The following LAMP5 variants were observed in gnomAD, a reference collection of about 807,000 sequenced individuals.
The protein encoded by LAMP5 is lysosome-associated membrane glycoprotein 5.
A neutral mutation model predicts 30.2 loss-of-function variants in LAMP5; 36 were observed. The observed-to-expected ratio is 1.19, with a 90% confidence interval of 0.91 to 1.57. The LOEUF (loss-of-function observed/expected upper bound fraction) is 1.57. LAMP5 is among the 40% of genes most tolerant of loss of function. The pLI is 0.00. For synonymous variants in LAMP5, 149 were observed against 134.6 expected (o/e 1.11, Z -0.74); for missense variants, 377 against 354.9 (o/e 1.06, Z -0.50).
At chr20:9,525,779 C>G (rs546986240) in intron 5 of LAMP5, among the ~76,000 whole-genome samples, 15 of 152,294 alleles carry the variant, frequency 9.8e-5, no homozygotes, top group Non-Finnish European at 1.8e-4. Flanking sequence ...AACTCCCCAC[C>G]CTCCCTGTCC....
At chr20:9,525,918 G>A (rs185848876) in intron 5 of LAMP5, among the ~76,000 whole-genome samples, 102 of 152,344 alleles carry the variant, frequency 6.7e-4, no homozygotes, top group African/African-American at 2.2e-3. Flanking sequence ...TAGGAAGGTA[G>A]ATGTTGTATT....
chr20:9,518,297 C>T, intron 5 of LAMP5, 69 bp downstream of exon 5: 1 of 1,366,396 alleles, frequency 7.3e-7, no homozygotes, highest in Non-Finnish European at 1.0e-6. Flanking sequence ...AGGGACCTAC[C>T]AGGGCCCCAG....
chr20:9,515,370 G>T, intron 1 of LAMP5, 83 bp from the exon 2 acceptor site: 1 of 1,343,768 alleles, frequency 7.4e-7, no homozygotes, highest in East Asian at 2.3e-5. Flanking sequence ...TCCAAAGCCT[G>T]CAGAGCACTG....
At chr20:9,519,859 T>G (rs1281452858) in intron 5 of LAMP5, among the ~76,000 whole-genome samples, 2 of 152,246 alleles carry the variant, frequency 1.3e-5, no homozygotes, top group Non-Finnish European at 2.9e-5. Context: ...AATTGCTGCT[T>G]CTTCTAGCTC....
chr20:9,514,832 C>T lies in LAMP5; in HGVS notation c.-21C>T, dbSNP rs2045022578. On this transcript the variant is annotated 5_prime_UTR_variant, in exon 1 of 6. Coordinates refer to ENST00000246070, the MANE Select transcript of LAMP5 (RefSeq NM_012261.4). ...CGGCCTCTGCAGCAGCACAGCCGGC[C>T]TCATTCGGGGCACTGCGAGTATGGA... is the stretch of plus-strand genomic sequence containing the variant. 6.2e-7 allele frequency: 1 copy of T among 1,613,622 alleles called. No homozygotes were observed. Among genetic ancestry groups the T allele is most frequent in the Middle Eastern group, 1.6e-4 (1 of 6,062 alleles).
Position 9,515,776 on chromosome 20 carries a change from T to C in LAMP5, c.237+151T>C, listed in dbSNP as rs915724577. 9.1e-6 allele frequency: 9 copies of C among 985,740 alleles called. No individual in the cohort carries two copies. The South Asian group carries it at 1.3e-4, about 14-fold the overall frequency. 61.1% of individuals were successfully genotyped at this position (985,740 alleles called of 1,614,324 possible). On this transcript the variant is annotated intron_variant, in intron 2 of 5. Transcript: ENST00000246070. ...AATGCTGCATGGGGATTCCAGCTTG[T>C]AATGCCTTCTGTTCCCCTGCCTGCT...
intron 1 of LAMP5, 43 bp from the exon 2 acceptor site, chr20:9,515,410 G>A: frequency 1.3e-6 from 2 of 1,578,550 alleles, no homozygotes; most frequent in Non-Finnish European, 1.7e-6. Context: ...GAGACGCGTG[G>A]GCTGAGCCCT....
intron 5 of LAMP5, among the ~76,000 whole-genome samples, chr20:9,522,863 C>T (rs2045087939): frequency 6.6e-6 from 1 of 151,808 alleles, no homozygotes; most frequent in Admixed American, 6.6e-5. Flanking sequence ...CACACTGAAA[C>T]TTTCAGTCTA....
chr20:9,516,231 G>A (rs1274081785), intron 3 of LAMP5, 25 bp from the exon 4 acceptor site: 3 of 1,613,686 alleles, frequency 1.9e-6, no homozygotes, highest in Admixed American at 3.3e-5. Context: ...GGGGACGATT[G>A]AAGCGCACCT....
Position 9,515,984 on chromosome 20 carries a change from G to A in LAMP5, c.238-16G>A, listed in dbSNP as rs778119442. 1.0e-5 allele frequency: 15 copies of A among 1,490,222 alleles called. No homozygotes were observed. The highest frequency in any genetic ancestry group is 2.9e-5 in the South Asian group (2 of 69,248). 92.3% of individuals were successfully genotyped at this position (1,490,222 alleles called of 1,614,324 possible). ...GCCGGGCGAGCTGAGGGGGCGCGGG[G>A]CGTCTGTGTTCCCAGCTGATCACAG... On this transcript the variant is annotated splice_polypyrimidine_tract_variant and intron_variant, in intron 2 of 5. Transcript: ENST00000246070.
chr20:9,517,639 T>TGTGTGTGTGTG (rs1474402891), intron 4 of LAMP5, among the ~76,000 whole-genome samples: 1 of 89,668 alleles, frequency 1.1e-5, no homozygotes, highest in Non-Finnish European at 2.3e-5. Flanking sequence ...GTGTGTGTAT[T>TGTGTGTGTGTG]TGTAGAGACA....
At chr20:9,517,922 G>A (rs2045052474) in intron 4 of LAMP5, 118 bp from the exon 5 acceptor site, 2 of 813,642 alleles carry the variant, frequency 2.5e-6, no homozygotes, top group South Asian at 3.8e-5. Context: ...CCCTGGCAAG[G>A]GAACAGAGAG....
rs1268666099 is a variant in LAMP5, at chr20:9,514,793, G to T, written c.-60G>T. 1 of 1,544,466 alleles carries T rather than the reference G, an allele frequency of 6.5e-7. No individual in the cohort carries two copies. The highest frequency in any genetic ancestry group is 1.4e-5 in the African/African-American group (1 of 73,430). ...GCCCACTCCAGCGGCGACTTTGAGG[G>T]ATTCCCTCTCTGGCGGCCTCTGCAG... is the stretch of plus-strand genomic sequence containing the variant. On this transcript the variant is annotated 5_prime_UTR_variant, in exon 1 of 6. Transcript: ENST00000246070.
chr20:9,528,216 T>C (rs914140355), intron 5 of LAMP5, among the ~76,000 whole-genome samples: 3 of 152,152 alleles, frequency 2.0e-5, no homozygotes, highest in African/African-American at 7.2e-5. Context: ...AGACAAATAT[T>C]GCATGTATTC....
intron 4 of LAMP5, among the ~76,000 whole-genome samples, chr20:9,517,480 C>A (rs2045049271): frequency 6.6e-6 from 1 of 151,928 alleles, no homozygotes; most frequent in Admixed American, 6.6e-5. Flanking sequence ...CTCTGTCCAC[C>A]AGGGTGGAGG....
Position 9,514,841 on chromosome 20 carries a change from G to A in LAMP5, c.-12G>A, listed in dbSNP as rs2045022746. Reference sequence around the variant, plus strand: ...CAGCAGCACAGCCGGCCTCATTCGGGGCACTGCGAGTATGGATCTCCAAGG... The same window carrying A: ...CAGCAGCACAGCCGGCCTCATTCGGAGCACTGCGAGTATGGATCTCCAAGG... On this transcript the variant is annotated 5_prime_UTR_variant, in exon 1 of 6. Coordinates refer to ENST00000246070, the MANE Select transcript of LAMP5 (RefSeq NM_012261.4). The A allele has an allele frequency of 6.2e-7, 1 of 1,613,892 alleles. No individual in the cohort carries two copies. Among genetic ancestry groups the A allele is most frequent in the Admixed American group, 1.7e-5 (1 of 60,018 alleles).
intron 5 of LAMP5, among the ~76,000 whole-genome samples, chr20:9,526,858 GTGTATATATATATATATATATA>G (rs1373352373): frequency 2.2e-5 from 2 of 90,646 alleles, no homozygotes; most frequent in African/African-American, 7.9e-5. Context: ...ATGTGTGTGT[GTGTATATATATATATATATATA>G]TATATATATA....
intron 5 of LAMP5, among the ~76,000 whole-genome samples, chr20:9,523,144 A>C (rs1272440597): frequency 6.6e-6 from 1 of 152,098 alleles, no homozygotes; most frequent in African/African-American, 2.4e-5. Context: ...AAAGGTCTCC[A>C]AAGCCCACTC....
At position 9,518,224 on chromosome 20, in the gene LAMP5, T is replaced by C. The variant is rs1230055180; in HGVS notation, c.660T>C (p.Ser220=). 9.3e-6 allele frequency: 15 copies of C among 1,614,020 alleles called. No individual in the cohort carries two copies. Among genetic ancestry groups the C allele is most frequent in the Middle Eastern group, 3.3e-4 (2 of 6,060 alleles). The stretch of plus-strand genomic sequence containing the variant: ...ACATTATCTCAGATTTTGTCTTCAG[T>C]GAAGGTAAGTTGTTGGGGGATGGAG... ...PFDIISDFVF[S]EEHKCPVDER... The change falls in exon 5 of 6, where the codon AGT becomes AGC. Residue 220 remains serine (S), a synonymous_variant. Coordinates refer to ENST00000246070, the MANE Select transcript of LAMP5 (RefSeq NM_012261.4).
Sources: allele counts gnomAD v4.1 joint callset (sites outside exome capture counted in the v4.1 genomes callset), GRCh38; gene constraint gnomAD v4.1.1; transcripts MANE v1.5; gene names NCBI Gene and HGNC (gene_info 2026-07-23, HGNC 2026-07-21).